The following NUP93 variants were observed in gnomAD, a reference collection of about 807,000 sequenced individuals.
NUP93 encodes nucleoporin 93.
A neutral mutation model predicts 107.8 loss-of-function variants in NUP93; 55 were observed. That is an observed-to-expected ratio of 0.51 (90% CI 0.41 to 0.64). The LOEUF is 0.64. Among genes scored for constraint, NUP93 ranks in the 30% least tolerant of loss-of-function variants. The pLI is 0.00. For synonymous variants in NUP93, 390 were observed against 397.5 expected, an observed-to-expected ratio of 0.98 and a Z score of 0.22; for missense variants, 937 against 1,044.7, an observed-to-expected ratio of 0.90 and a Z score of 1.42.
At chr16:56,841,265 T>C (rs1241925368) in intron 20 of NUP93, among the ~76,000 whole-genome samples, 1 of 152,048 alleles carries the variant, frequency 6.6e-6, no homozygotes, top group Non-Finnish European at 1.5e-5. Flanking sequence ...TCTGGTAGGG[T>C]CATGCAGATC....
chr16:56,738,363 C>A (rs1182040024), intron 1 of NUP93, among the ~76,000 whole-genome samples: 1 of 152,190 alleles, frequency 6.6e-6, no homozygotes, highest in African/African-American at 2.4e-5. Context: ...CTTCTCTTTG[C>A]TCATTGAAGA....
At position 56,849,442 on chromosome 16, in the gene NUP93, G is replaced by A. The variant is rs1451404297; in HGVS notation, c.*4833G>A. 6.6e-6 allele frequency: 1 copy of A among 152,178 alleles called. No homozygotes were observed. Among genetic ancestry groups the A allele is most frequent in the African/African-American group, 2.4e-5 (1 of 41,412 alleles). The allele number at this position is 152,178 out of a possible 1,614,324, so 9.4% of individuals were successfully genotyped here. ...GCTTCTATTTCTTGGGGATGGGGAGGGCAAAAAAGTTTGCCCCAGACACTG... is the reference window on the plus strand; with the variant it reads ...GCTTCTATTTCTTGGGGATGGGGAGAGCAAAAAAGTTTGCCCCAGACACTG... On this transcript the variant is annotated 3_prime_UTR_variant, in exon 22 of 22. Coordinates refer to ENST00000308159, the MANE Select transcript of NUP93 (RefSeq NM_014669.5).
Position 56,805,633 on chromosome 16 carries a change from G to A in NUP93, c.489+1G>A. Reference sequence around the variant, plus strand: ...CCTTGACTTTACTCAAGAAAGCGAGGTAGCTTGAATGCAAAAGATAAACTA... The same window carrying A: ...CCTTGACTTTACTCAAGAAAGCGAGATAGCTTGAATGCAAAAGATAAACTA... On this transcript the variant is annotated splice_donor_variant, in intron 5 of 21. Transcript: ENST00000308159. LOFTEE classifies it high-confidence loss of function. The A allele has an allele frequency of 6.2e-7, 1 of 1,612,940 alleles. No homozygotes were observed. Among genetic ancestry groups the A allele is most frequent in the Non-Finnish European group, 8.5e-7 (1 of 1,179,092 alleles).
In NUP93 at chr16:56,848,090, T is replaced by G. The variant is rs2144661391; in HGVS notation, c.*3481T>G. ...ACGCCTTCCTGCTTTAGACTGGATC[T>G]CTACTATCCTTTTTCTCTACTAGGC... On this transcript the variant is annotated 3_prime_UTR_variant, in exon 22 of 22. Coordinates refer to ENST00000308159, the MANE Select transcript of NUP93 (RefSeq NM_014669.5). The G allele has an allele frequency of 1.3e-5, 2 of 152,374 alleles. No individual in the cohort carries two copies. Among genetic ancestry groups the G allele is most frequent in the Middle Eastern group, 3.4e-3 (1 of 294 alleles). The allele number at this position is 152,374 out of a possible 1,614,324, so 9.4% of individuals were successfully genotyped here.
chr16:56,757,676 C>T (rs1308994054), intron 2 of NUP93, among the ~76,000 whole-genome samples: 2 of 152,188 alleles, frequency 1.3e-5, no homozygotes, highest in East Asian at 3.8e-4. Flanking sequence ...ATTTACTGAT[C>T]AGATAACAGC....
chr16:56,819,731 A>G (rs1254104243), intron 6 of NUP93, among the ~76,000 whole-genome samples: 1 of 152,222 alleles, frequency 6.6e-6, no homozygotes, highest in African/African-American at 2.4e-5. Context: ...TTCCACATGA[A>G]TTGAATTACC....
At chr16:56,798,700 T>G (rs1196044733) in intron 4 of NUP93, among the ~76,000 whole-genome samples, 162 bp downstream of exon 4, 2 of 152,036 alleles carry the variant, frequency 1.3e-5, no homozygotes, top group African/African-American at 2.4e-5. Flanking sequence ...AGACCCCATC[T>G]TTACAAAAAA....
intron 2 of NUP93, among the ~76,000 whole-genome samples, chr16:56,751,591 G>A (rs1961920322): frequency 6.6e-6 from 1 of 152,188 alleles, no homozygotes; most frequent in African/African-American, 2.4e-5. Context: ...TGACTGGTCT[G>A]CAGTGCCTGA....
intron 16 of NUP93, among the ~76,000 whole-genome samples, chr16:56,836,198 C>T (rs1218365900): frequency 6.6e-6 from 1 of 151,758 alleles, no homozygotes; most frequent in African/African-American, 2.4e-5. Context: ...TTCCTTTTGC[C>T]ATCTGTCTTA....
intron 3 of NUP93, chr16:56,783,633 G>C (rs1596796273): frequency 2.0e-6 from 2 of 985,250 alleles, no homozygotes; most frequent in South Asian, 4.7e-5. Flanking sequence ...CTTCATCAGA[G>C]CTCCTTAATT....
Position 56,831,633 on chromosome 16 carries a change from G to A in NUP93, c.1086-209G>A, listed in dbSNP as rs180862321. On this transcript the variant is annotated intron_variant, in intron 10 of 21. Transcript: ENST00000308159. Reference sequence around the variant, plus strand: ...TGAAGGCCTCAGCAAATAGAAAACCGGCAGGCCAATAGATACAGGTGCAGG... The same window carrying A: ...TGAAGGCCTCAGCAAATAGAAAACCAGCAGGCCAATAGATACAGGTGCAGG... 4.5e-4 allele frequency: 225 copies of A among 494,706 alleles called. 1 individual carries two copies. The highest frequency in any genetic ancestry group is 3.7e-3 in the African/African-American group (191 of 51,252). The allele number at this position is 494,706 out of a possible 1,614,324, so 30.6% of individuals were successfully genotyped here.
chr16:56,837,825 A>G (rs1963944887), intron 18 of NUP93, 99 bp downstream of exon 18: 1 of 813,386 alleles, frequency 1.2e-6, no homozygotes, highest in Non-Finnish European at 2.0e-6. Flanking sequence ...ACTAGGTAAC[A>G]GCAGACAGCT....
rs571584794 is a variant in NUP93 at position 56,809,651 on chromosome 16, AC to A, written c.489+4020del. On this transcript the variant is annotated intron_variant, in intron 5 of 21. Coordinates refer to ENST00000308159, the MANE Select transcript of NUP93 (RefSeq NM_014669.5). Reference sequence around the variant, plus strand: ...TGGTTGGCCTGTGGACTCTTACTCTACTGAAGTCTAGGTCAAGGATAGGTAG... The same window carrying A: ...TGGTTGGCCTGTGGACTCTTACTCTATGAAGTCTAGGTCAAGGATAGGTAG... Among the ~76,000 whole-genome samples the A allele has an allele frequency of 5.9e-3, 898 of 152,230 alleles. 7 individuals are homozygous for A. The highest frequency in any genetic ancestry group is 0.02 in the African/African-American group (851 of 41,544).
In NUP93 at chr16:56,836,716, A is replaced by G. The variant is rs1214418502; in HGVS notation, c.1898A>G (p.Lys633Arg). 7 of 1,601,096 alleles carry G rather than the reference A, an allele frequency of 4.4e-6. No homozygotes were observed. In the Admixed American group the frequency reaches 5.1e-5, roughly 12 times the overall value. The change falls in exon 17 of 22, where the codon AAG (lysine) becomes AGG (arginine). Residue 633 changes from lysine (K) to arginine (R), a missense_variant and splice_region_variant. Transcript: ENST00000308159. ...EEAAKLYDLA[K>R]NADKVLELMN... is the part of the protein sequence containing the mutation. ...GCAGCAAAGCTGTATGACCTTGCCA[A>G]GGTAAAGTGTGCCCACTTCCTTCTT...
intron 3 of NUP93, among the ~76,000 whole-genome samples, chr16:56,769,840 C>G (rs372223121): frequency 2.0e-5 from 3 of 152,296 alleles, no homozygotes; most frequent in South Asian, 4.1e-4. Flanking sequence ...AACCCATTTC[C>G]TTACTTAGCG....
At chr16:56,753,545 G>T (rs952126242) in intron 2 of NUP93, among the ~76,000 whole-genome samples, 2 of 152,130 alleles carry the variant, frequency 1.3e-5, no homozygotes, top group Non-Finnish European at 2.9e-5. Flanking sequence ...AGACTCTCAG[G>T]CTCCATCCCA....
rs577131446 is a variant in NUP93 at position 56,791,444 on chromosome 16, T to A, written c.298-7032T>A. 3.3e-5 allele frequency among the ~76,000 whole-genome samples: 5 copies of A among 152,380 alleles called. No individual in the cohort carries two copies. The South Asian group carries it at 1.0e-3, about 32-fold the overall frequency. On this transcript the variant is annotated intron_variant, in intron 3 of 21. Coordinates refer to ENST00000308159, the MANE Select transcript of NUP93 (RefSeq NM_014669.5). Reference sequence around the variant, plus strand: ...TTTCCTGGCTAAGGTGGACACTGAATGTTTTTTTCACAAAGGCCCTTATTT... The same window carrying A: ...TTTCCTGGCTAAGGTGGACACTGAAAGTTTTTTTCACAAAGGCCCTTATTT...
intron 5 of NUP93, among the ~76,000 whole-genome samples, chr16:56,809,643 C>G (rs1963270432): frequency 6.6e-6 from 1 of 152,022 alleles, no homozygotes; most frequent in African/African-American, 2.4e-5. Flanking sequence ...CCTGTGGACT[C>G]TTACTCTACT....
chr16:56,796,086 A>G (rs1283375367), intron 3 of NUP93, among the ~76,000 whole-genome samples: 1 of 152,176 alleles, frequency 6.6e-6, no homozygotes, highest in Admixed American at 6.5e-5. Flanking sequence ...TGGGAAATCT[A>G]TAATTAGTAA....
Sources: gnomAD v4.1 joint callset for allele counts (sites outside exome capture counted in the v4.1 genomes callset) on GRCh38, gnomAD v4.1.1 for gene constraint, MANE v1.5 for transcripts, NCBI Gene and HGNC (gene_info 2026-07-23, HGNC 2026-07-21) for gene names.